The following TM9SF4 variants were observed in gnomAD, a reference collection of about 807,000 sequenced individuals.
The protein encoded by TM9SF4 is dinucleotide oxidase disulfide thiol exchanger 3 superfamily member 4.
TM9SF4 carries 26 observed loss-of-function variants against 90.4 expected under a neutral mutation model. That is an observed-to-expected ratio of 0.29 (90% confidence interval 0.21 to 0.40). TM9SF4 has a LOEUF of 0.40. Ranked by LOEUF, TM9SF4 falls within the 10% of genes least tolerant of loss-of-function variation. The pLI, the probability that TM9SF4 is intolerant of heterozygous loss-of-function variation, is 1.00. For missense variants in TM9SF4, 549 were observed against 834.8 expected (o/e 0.66, Z 4.22); for synonymous variants, 293 against 315.4 (o/e 0.93, Z 0.75).
At chr20:32,134,003 G>A (rs2046559045) in intron 2 of TM9SF4, among the ~76,000 whole-genome samples, 1 of 148,328 alleles carries the variant, frequency 6.7e-6, no homozygotes, top group African/African-American at 2.5e-5. Context: ...AAGTAGAGAT[G>A]AGGTCTCACT....
In TM9SF4 at chr20:32,146,771, G is replaced by A. The variant is rs553337287; in HGVS notation, c.884-14G>A. On this transcript the variant is annotated splice_polypyrimidine_tract_variant and intron_variant, in intron 8 of 17. Transcript: ENST00000398022. ...GCGCCAACTTCTCCTCATCCTCACC[G>A]CCATCTATTTCAGGTATCCTGAGCA... 5.6e-6 allele frequency: 9 copies of A among 1,613,646 alleles called. No homozygotes were observed. Among genetic ancestry groups the A allele is most frequent in the East Asian group, 2.2e-5 (1 of 44,872 alleles).
At chr20:32,148,423 G>C (rs1371555794) in intron 9 of TM9SF4, among the ~76,000 whole-genome samples, 2 of 151,958 alleles carry the variant, frequency 1.3e-5, no homozygotes, top group Non-Finnish European at 2.9e-5. Context: ...TGGATATCAA[G>C]AACTGTAAAA....
chr20:32,129,184 T>C (rs576351942), intron 1 of TM9SF4, among the ~76,000 whole-genome samples: 2 of 152,280 alleles, frequency 1.3e-5, no homozygotes, highest in African/African-American at 4.8e-5. Context: ...AATCTAAAGC[T>C]TGAACATTCC....
At chr20:32,157,373 C>T (rs1256424427) in intron 13 of TM9SF4, among the ~76,000 whole-genome samples, 1 of 152,198 alleles carries the variant, frequency 6.6e-6, no homozygotes, top group Non-Finnish European at 1.5e-5. Flanking sequence ...TAGTTTATAG[C>T]CTCCTTTTTA....
At position 32,161,421 on chromosome 20, in the gene TM9SF4, G is replaced by A; in HGVS notation, c.1779+56G>A. The A allele has an allele frequency of 3.2e-6, 5 of 1,551,098 alleles. 1 individual carries two copies. The South Asian group carries it at 5.6e-5, about 17-fold the overall frequency. ...TCCTCATAGGGTAGGAAGGTCAGGA[G>A]GAGGATGCTGGGAGAAAAACCCAAG... On this transcript the variant is annotated intron_variant, in intron 17 of 17. Coordinates refer to ENST00000398022, the MANE Select transcript of TM9SF4 (RefSeq NM_014742.4).
intron 3 of TM9SF4, among the ~76,000 whole-genome samples, chr20:32,137,350 G>T (rs1421506359): frequency 1.3e-5 from 2 of 152,178 alleles, no homozygotes; most frequent in East Asian, 1.9e-4. Flanking sequence ...CCTGGGAGCT[G>T]CTGTGGACCC....
rs368553951 is a variant in TM9SF4, at chr20:32,126,106, C to CACACACACACACACAG, written c.16-6906_16-6905insCACACACACACACAGA. On this transcript the variant is annotated intron_variant, in intron 1 of 17. Transcript: ENST00000398022. ...ACACACACACACACACACACACACA[C>CACACACACACACACAG]AGTAGCCAGAGTAACCTTTAAAACT... is the stretch of plus-strand genomic sequence containing the variant. Among the ~76,000 whole-genome samples the CACACACACACACACAG allele has an allele frequency of 1.4e-4, 21 of 148,720 alleles. No homozygotes were observed. In the East Asian group the frequency reaches 1.6e-3, roughly 11 times the overall value.
chr20:32,164,492 A>G (rs1490866516), intron 17 of TM9SF4, among the ~76,000 whole-genome samples: 4 of 152,166 alleles, frequency 2.6e-5, no homozygotes, highest in Non-Finnish European at 4.4e-5. Flanking sequence ...AGTCTGGGTA[A>G]TAGAGGGAGA....
At chr20:32,163,490 T>TA (rs143521547) in intron 17 of TM9SF4, among the ~76,000 whole-genome samples, 7,674 of 151,582 alleles carry the variant, frequency 0.051, 230 homozygotes, top group Non-Finnish European at 0.073. Flanking sequence ...TCTACCATGA[T>TA]ACGTCAGCCA....
intron 1 of TM9SF4, among the ~76,000 whole-genome samples, chr20:32,130,862 T>A (rs1410365607): frequency 6.6e-6 from 1 of 152,220 alleles, no homozygotes; most frequent in Non-Finnish European, 1.5e-5. Context: ...CAAAAAATGT[T>A]CACGCTAGTT....
chr20:32,153,248 G>C (rs969450961), intron 12 of TM9SF4, among the ~76,000 whole-genome samples: 6 of 152,250 alleles, frequency 3.9e-5, no homozygotes, highest in Non-Finnish European at 7.3e-5. Flanking sequence ...TGGATCCTCT[G>C]AGGTGTTGAT....
chr20:32,147,237 G>A (rs999958868), intron 9 of TM9SF4, among the ~76,000 whole-genome samples: 8 of 152,030 alleles, frequency 5.3e-5, no homozygotes, highest in African/African-American at 1.9e-4. Flanking sequence ...CTCGGCCTCC[G>A]AAAGTACTGG....
Position 32,149,669 on chromosome 20 carries a change from G to T in TM9SF4, c.990G>T (p.Val330=). ...DTMEESGWKL[V]HGDVFRPPQY... is the part of the protein sequence containing the mutation. ...TGGAGGAGTCTGGGTGGAAGTTGGTGCACGGCGACGTCTTCAGGCCCCCCC... is the reference window on the plus strand; with the variant it reads ...TGGAGGAGTCTGGGTGGAAGTTGGTTCACGGCGACGTCTTCAGGCCCCCCC... The change falls in exon 10 of 18, where the codon GTG becomes GTT. Residue 330 remains valine, a synonymous_variant. Transcript: ENST00000398022. 1 of 1,614,206 alleles carries T rather than the reference G, an allele frequency of 6.2e-7. No individual in the cohort carries two copies. The highest frequency in any genetic ancestry group is 8.5e-7 in the Non-Finnish European group (1 of 1,180,044).
chr20:32,150,765 T>G (rs1328178097), intron 11 of TM9SF4, 35 bp from the exon 12 acceptor site: 44 of 1,614,040 alleles, frequency 2.7e-5, no homozygotes, highest in Non-Finnish European at 3.5e-5. Context: ...AGCTAATGGG[T>G]CCCCTTGGTG....
rs750522434 is a variant in TM9SF4, at chr20:32,136,081, A to C, written c.137A>C (p.Lys46Thr). 1 of 1,614,112 alleles carries C rather than the reference A, an allele frequency of 6.2e-7. No individual in the cohort carries two copies. The highest frequency in any genetic ancestry group is 8.5e-7 in the Non-Finnish European group (1 of 1,180,002). Reference protein sequence around the residue: ...QNDPVEIKAVKLTSSRTQLPY... With the variant: ...QNDPVEIKAVTLTSSRTQLPY... Reference sequence around the variant, plus strand: ...CTGCTGGATTCCCATCAGGCTGTGAAGCTCACCAGCTCTCGAACCCAGCTA... The same window carrying C: ...CTGCTGGATTCCCATCAGGCTGTGACGCTCACCAGCTCTCGAACCCAGCTA... The change falls in exon 3 of 18, where the codon AAG becomes ACG. Residue 46 changes from lysine to threonine, a missense_variant. Lys to Thr is a moderately conservative substitution (Grantham distance 78, BLOSUM62 -1). Coordinates refer to ENST00000398022, the MANE Select transcript of TM9SF4 (RefSeq NM_014742.4).
chr20:32,136,981 A>G (rs1004682471), intron 3 of TM9SF4: 8 of 470,206 alleles, frequency 1.7e-5, no homozygotes, highest in Non-Finnish European at 3.1e-5. Flanking sequence ...CTAGCTGACA[A>G]ATTTATCTAC....
chr20:32,155,248 C>T, intron 13 of TM9SF4, 62 bp downstream of exon 13: 1 of 1,394,988 alleles, frequency 7.2e-7, no homozygotes, highest in Non-Finnish European at 1.0e-6. Flanking sequence ...TGCACTCAGC[C>T]CTACTCCCAA....
intron 1 of TM9SF4, among the ~76,000 whole-genome samples, chr20:32,113,535 G>A (rs1341998418): frequency 6.6e-6 from 1 of 152,042 alleles, no homozygotes. Context: ...ATTGAAACTT[G>A]GGAAATGTCC....
intron 1 of TM9SF4, among the ~76,000 whole-genome samples, chr20:32,114,478 G>A (rs1043254610): frequency 2.0e-5 from 3 of 152,074 alleles, no homozygotes; most frequent in Non-Finnish European, 4.4e-5. Context: ...CTACAGGCAC[G>A]CACCACATCC....
Sources: allele counts gnomAD v4.1 joint callset (sites outside exome capture counted in the v4.1 genomes callset), GRCh38; gene constraint gnomAD v4.1.1; transcripts MANE v1.5; gene names NCBI Gene and HGNC (gene_info 2026-07-23, HGNC 2026-07-21).